The following CHN2 variants were observed in gnomAD, a reference collection of about 807,000 sequenced individuals.
CHN2 encodes beta-chimaerin.
CHN2 carries 35 observed loss-of-function variants against 56.3 expected under a neutral mutation model. The ratio of observed to expected loss-of-function variants is 0.62; its 90% confidence interval spans 0.47 to 0.82. CHN2 has a LOEUF of 0.82. Among genes scored for constraint, CHN2 ranks in the 40% least tolerant of loss-of-function variants. The probability of loss-of-function intolerance (pLI) is 0.00; values close to 1 mark genes in which losing one functional copy is unlikely to be tolerated. For synonymous variants in CHN2, 210 were observed against 212.8 expected, an observed-to-expected ratio of 0.99 and a Z score of 0.12; for missense variants, 491 against 580.5, an observed-to-expected ratio of 0.85 and a Z score of 1.58.
intron 1 of CHN2, among the ~76,000 whole-genome samples, chr7:29,341,835 T>A (rs1011671759): frequency 3.9e-5 from 6 of 152,226 alleles, no homozygotes; most frequent in African/African-American, 9.6e-5. Flanking sequence ...ACTAGGGTCA[T>A]AGGGAGAAAA....
intron 2 of CHN2, among the ~76,000 whole-genome samples, chr7:29,367,577 T>C (rs1680102418): frequency 1.3e-5 from 2 of 152,180 alleles, no homozygotes; most frequent in African/African-American, 2.4e-5. Context: ...TTATATGATC[T>C]TACTACTCAG....
chr7:29,399,927 G>T (rs1390943449), intron 5 of CHN2, among the ~76,000 whole-genome samples: 6 of 152,158 alleles, frequency 3.9e-5, no homozygotes, highest in Admixed American at 3.9e-4. Flanking sequence ...GCCCAGAGAG[G>T]AGGGAACCTC....
At chr7:29,439,429 C>A (rs1783469511) in intron 6 of CHN2, among the ~76,000 whole-genome samples, 1 of 152,212 alleles carries the variant, frequency 6.6e-6, no homozygotes, top group African/African-American at 2.4e-5. Flanking sequence ...AATGGCTTTG[C>A]ATGTCTGGTG....
intron 1 of CHN2, among the ~76,000 whole-genome samples, chr7:29,321,452 T>C (rs1272084783): frequency 6.6e-6 from 1 of 152,142 alleles, no homozygotes; most frequent in Non-Finnish European, 1.5e-5. Context: ...ACAGAGCAGG[T>C]GACCCACTTG....
At chr7:29,263,523 C>T (rs1445482989) in intron 1 of CHN2, among the ~76,000 whole-genome samples, 3 of 151,122 alleles carry the variant, frequency 2.0e-5, no homozygotes, top group African/African-American at 7.3e-5. Context: ...TCTGCCTGGC[C>T]GCCCAGTCCG....
intron 1 of CHN2, among the ~76,000 whole-genome samples, chr7:29,285,463 T>G (rs1170238011): frequency 1.3e-5 from 2 of 152,206 alleles, no homozygotes; most frequent in South Asian, 2.1e-4. Context: ...ACAAAATTTT[T>G]GGTGTGGTCT....
At chr7:29,373,772 G>A (rs12700958) in intron 3 of CHN2, among the ~76,000 whole-genome samples, 69,894 of 151,952 alleles carry the variant, frequency 0.46, 16,554 homozygotes, top group East Asian at 0.54. Context: ...TCTTAGGCAC[G>A]TCTGGAAGAT....
chr7:29,253,561 G>A lies in CHN2; in HGVS notation c.49+58571G>A, dbSNP rs565760597. The stretch of plus-strand genomic sequence containing the variant: ...ATGGATTTGGGGTAGGAAACTAGCA[G>A]CATCTGCTATAAAAGGGACTCTGGA... On this transcript the variant is annotated intron_variant, in intron 1 of 12. Coordinates refer to ENST00000222792, the MANE Select transcript of CHN2 (RefSeq NM_004067.4). 5.3e-5 allele frequency among the ~76,000 whole-genome samples: 8 copies of A among 152,338 alleles called. No homozygotes were observed. In the East Asian group the frequency reaches 1.4e-3, roughly 26 times the overall value.
Position 29,504,829 on chromosome 7 carries a change from T to C in CHN2, c.991+8T>C, listed in dbSNP as rs1186450006. The C allele has an allele frequency of 2.5e-6, 4 of 1,601,310 alleles. No individual in the cohort carries two copies. The highest frequency in any genetic ancestry group is 1.7e-4 in the Middle Eastern group (1 of 6,028). On this transcript the variant is annotated splice_region_variant and intron_variant, in intron 10 of 12. Coordinates refer to ENST00000222792, the MANE Select transcript of CHN2 (RefSeq NM_004067.4). ...AAATGGCATTTGACAGAGGTAAGCT[T>C]GTACTTTCTTGAATGCCATCTGACA...
chr7:29,506,886 CTT>C (rs889610587), intron 10 of CHN2, among the ~76,000 whole-genome samples: 7 of 152,302 alleles, frequency 4.6e-5, no homozygotes, highest in African/African-American at 1.4e-4. Context: ...TTGATGTTCT[CTT>C]GTTTCAGATT....
intron 6 of CHN2, among the ~76,000 whole-genome samples, chr7:29,442,029 A>G (rs1328511644): frequency 2.6e-5 from 4 of 152,238 alleles, no homozygotes; most frequent in Non-Finnish European, 4.4e-5. Flanking sequence ...GAAACCTGCC[A>G]AATGTCCATC....
intron 3 of CHN2, among the ~76,000 whole-genome samples, chr7:29,392,271 C>T (rs903716417): frequency 6.6e-6 from 1 of 152,016 alleles, no homozygotes; most frequent in Non-Finnish European, 1.5e-5. Context: ...CTTTGAAAGC[C>T]GAAAGACTGA....
In CHN2 at chr7:29,173,340, A is replaced by G. The variant is rs764176310; in HGVS notation, c.274+26380A>G. On this transcript the variant is annotated intron_variant, in intron 2 of 6. Coordinates refer to the CHN2 transcript ENST00000439384. ...AGTGGGGGCCTAACTTTCTGCAGCCATATAATTTATCCTCCAGCCCACAGT... is the reference window on the plus strand; with the variant it reads ...AGTGGGGGCCTAACTTTCTGCAGCCGTATAATTTATCCTCCAGCCCACAGT... Among the ~76,000 whole-genome samples, 33 of 152,184 alleles carry G rather than the reference A, an allele frequency of 2.2e-4. 1 individual carries two copies. Among genetic ancestry groups the G allele is most frequent in the African/African-American group, 5.8e-4 (24 of 41,526 alleles).
chr7:29,456,808 G>A (rs556658588), intron 6 of CHN2, among the ~76,000 whole-genome samples: 25 of 152,214 alleles, frequency 1.6e-4, no homozygotes, highest in Non-Finnish European at 2.6e-4. Flanking sequence ...GGCACAGGGA[G>A]CGTGCAGACT....
chr7:29,238,207 A>G (rs907278729), intron 1 of CHN2, among the ~76,000 whole-genome samples: 29 of 151,880 alleles, frequency 1.9e-4, no homozygotes, highest in African/African-American at 5.8e-4. Flanking sequence ...TTTAGTAAAG[A>G]TGGGGTTTCA....
At chr7:29,238,397 T>G (rs1787370934) in intron 1 of CHN2, among the ~76,000 whole-genome samples, 2 of 152,236 alleles carry the variant, frequency 1.3e-5, no homozygotes, top group Admixed American at 1.3e-4. Context: ...GGCAGACCAT[T>G]AAATACTTTT....
At chr7:29,299,987 C>T (rs1793523364) in intron 1 of CHN2, among the ~76,000 whole-genome samples, 1 of 152,074 alleles carries the variant, frequency 6.6e-6, no homozygotes, top group African/African-American at 2.4e-5. Flanking sequence ...AGGCAGGAAC[C>T]CAGAGGGGCC....
chr7:29,424,202 C>T (rs1334626909), intron 6 of CHN2, among the ~76,000 whole-genome samples: 10 of 152,132 alleles, frequency 6.6e-5, no homozygotes, highest in Admixed American at 6.5e-4. Context: ...ACATGTTCTA[C>T]AGAAATAGTT....
At chr7:29,507,160 T>TC (rs1790662478) in intron 10 of CHN2, 68 bp from the exon 11 acceptor site, 2 of 1,439,834 alleles carry the variant, frequency 1.4e-6, no homozygotes, top group Non-Finnish European at 1.9e-6. Flanking sequence ...TTTTTTTTTT[T>TC]TCCTTTCTGT....
Sources: allele counts gnomAD v4.1 joint callset (sites outside exome capture counted in the v4.1 genomes callset), GRCh38; gene constraint gnomAD v4.1.1; transcripts MANE v1.5; gene names NCBI Gene and HGNC (gene_info 2026-07-23, HGNC 2026-07-21).